The following USH2A variants were observed in gnomAD, a reference collection of about 807,000 sequenced individuals.
USH2A encodes the protein usherin.
Under a neutral mutation model 538.9 loss-of-function variants are expected in USH2A, and 443 were observed. That is an observed-to-expected ratio of 0.82 (90% CI 0.76 to 0.89). The LOEUF is 0.89. Ranked by LOEUF, USH2A falls within the 40% of genes least tolerant of loss-of-function variation. The pLI is 0.00. For synonymous variants in USH2A, 2,413 were observed against 2,273.5 expected (o/e 1.06, Z -1.75); for missense variants, 6,633 against 6,324.8 (o/e 1.05, Z -1.65).
Position 215,964,436 on chromosome 1 carries a change from T to C in USH2A, c.7120+881A>G, listed in dbSNP as rs200334336. ...AAATTTAGAAAAGCCTGTTTTTTTC[T>C]TTCTTCACCTGTTTTTACACTTGGA... On this transcript the variant is annotated intron_variant, in intron 37 of 71. Coordinates refer to ENST00000307340, the MANE Select transcript of USH2A (RefSeq NM_206933.4). 3.3e-5 allele frequency among the ~76,000 whole-genome samples: 5 copies of C among 152,346 alleles called. No individual in the cohort carries two copies. In the East Asian group the frequency reaches 9.6e-4, roughly 29 times the overall value.
chr1:216,048,953 A>G (rs2030641596), intron 30 of USH2A, among the ~76,000 whole-genome samples: 1 of 152,198 alleles, frequency 6.6e-6, no homozygotes, highest in South Asian at 2.1e-4. Flanking sequence ...GGCAGAGCAC[A>G]ATGTTTCCAA....
chr1:215,640,715 T>C lies in USH2A; in HGVS notation c.14811A>G (p.Pro4937=). The C allele has an allele frequency of 6.2e-7, 1 of 1,612,002 alleles. No individual in the cohort carries two copies. Among genetic ancestry groups the C allele is most frequent in the South Asian group, 1.1e-5 (1 of 90,920 alleles). ...TQKELPQYRA[P]FSVDSNLSVV... The stretch of plus-strand genomic sequence containing the variant: ...CAGACAAATTGCTGTCCACCGAAAA[T>C]GGGGCTCGGTACTGAGGCACTGTGG... Residue 4937 remains proline (P), a synonymous_variant, in exon 68 of 72, where the codon CCA becomes CCG. Transcript: ENST00000307340.
chr1:215,793,218 C>CT (rs923570404), intron 50 of USH2A, among the ~76,000 whole-genome samples: 4 of 151,784 alleles, frequency 2.6e-5, no homozygotes, highest in African/African-American at 7.3e-5. Context: ...TGGGATTCCA[C>CT]TTTTTTTTAA....
chr1:215,675,683 C>G lies in USH2A; in HGVS notation c.12295-67G>C, dbSNP rs1185547836. On this transcript the variant is annotated intron_variant, in intron 62 of 71. Coordinates refer to ENST00000307340, the MANE Select transcript of USH2A (RefSeq NM_206933.4). ...AATTTCTTTGTGTAGTTACTTAGCC[C>G]CTTTTTAACCTTCACCCCCTTGTTC... The G allele has an allele frequency of 5.0e-6, 8 of 1,611,154 alleles. No homozygotes were observed. In the African/African-American group the frequency reaches 5.3e-5, roughly 11 times the overall value.
At chr1:215,923,318 A>G (rs1413001478) in intron 38 of USH2A, among the ~76,000 whole-genome samples, 1 of 152,056 alleles carries the variant, frequency 6.6e-6, no homozygotes, top group Non-Finnish European at 1.5e-5. Context: ...CTGGATTCAA[A>G]GGATCAAATG....
At chr1:215,640,197 A>G (rs908784141) in intron 68 of USH2A, among the ~76,000 whole-genome samples, 2 of 152,170 alleles carry the variant, frequency 1.3e-5, no homozygotes, top group African/African-American at 4.8e-5. Context: ...AGATACAGCA[A>G]GAAAATCTAT....
At chr1:216,121,617 A>C (rs1264130819) in intron 21 of USH2A, among the ~76,000 whole-genome samples, 1 of 152,156 alleles carries the variant, frequency 6.6e-6, no homozygotes, top group Non-Finnish European at 1.5e-5. Flanking sequence ...AATTACTGTC[A>C]TAGATTCTGC....
At chr1:216,121,881 C>T (rs948441450) in intron 21 of USH2A, among the ~76,000 whole-genome samples, 21 of 152,174 alleles carry the variant, frequency 1.4e-4, no homozygotes. Flanking sequence ...TACCTGTCTA[C>T]TGTCCTAAAT....
At chr1:216,071,294 G>A (rs1218322312) in intron 29 of USH2A, among the ~76,000 whole-genome samples, 3 of 152,086 alleles carry the variant, frequency 2.0e-5, no homozygotes, top group Non-Finnish European at 4.4e-5. Context: ...AAAGATAAGA[G>A]GAAACACCAA....
intron 64 of USH2A, among the ~76,000 whole-genome samples, chr1:215,662,723 C>G (rs1300600665): frequency 6.6e-6 from 1 of 152,160 alleles, no homozygotes; most frequent in Admixed American, 6.6e-5. Flanking sequence ...CAGACAATAT[C>G]AATAAATCAT....
intron 30 of USH2A, among the ~76,000 whole-genome samples, chr1:216,066,036 A>G (rs1192891440): frequency 6.6e-6 from 1 of 152,184 alleles, no homozygotes; most frequent in African/African-American, 2.4e-5. Context: ...CTAAAACAAT[A>G]TTCTGATATA....
chr1:215,816,759 G>T (rs1296905518), intron 48 of USH2A, among the ~76,000 whole-genome samples: 1 of 151,972 alleles, frequency 6.6e-6, no homozygotes, highest in East Asian at 1.9e-4. Flanking sequence ...ATAAAATTTG[G>T]GATGTACCCT....
chr1:215,717,973 A>G (rs191399602), intron 61 of USH2A, among the ~76,000 whole-genome samples: 127 of 152,314 alleles, frequency 8.3e-4, no homozygotes, highest in Middle Eastern at 3.4e-3. Flanking sequence ...GCATCCAGAA[A>G]TTCTAATTTA....
rs41313732 is a variant in USH2A, at chr1:216,292,284, G to A, written c.1731C>T (p.Cys577=). ...VYAFNCKPCQ[C]NSHSKSCHYN... is the part of the protein sequence containing the mutation. ...AATGGCAGCTTTTGGAATGGCTGTTGCATTGACAAGGTTTACAATTGAAAG... is the reference window on the plus strand; with the variant it reads ...AATGGCAGCTTTTGGAATGGCTGTTACATTGACAAGGTTTACAATTGAAAG... Residue 577 remains cysteine, a synonymous_variant, in exon 10 of 72, where the codon TGC becomes TGT. Coordinates refer to ENST00000307340, the MANE Select transcript of USH2A (RefSeq NM_206933.4). The A allele has an allele frequency of 2.1e-3, 3,460 of 1,614,086 alleles. 101 individuals are homozygous for A. In the South Asian group the frequency reaches 0.035, roughly 16 times the overall value.
chr1:216,162,674 A>G (rs2034082582), intron 21 of USH2A, among the ~76,000 whole-genome samples: 1 of 152,072 alleles, frequency 6.6e-6, no homozygotes, highest in Admixed American at 6.6e-5. Flanking sequence ...AATAGCCCTT[A>G]TTCCTAAAGC....
At position 216,325,457 on chromosome 1, in the gene USH2A, T is replaced by C; in HGVS notation, c.991A>G (p.Arg331Gly). The change falls in exon 6 of 72, where the codon AGA becomes GGA. Residue 331 changes from arginine to glycine, a missense_variant. Physicochemically the swap from Arg to Gly is moderately radical, Grantham distance 125. Coordinates refer to ENST00000307340, the MANE Select transcript of USH2A (RefSeq NM_206933.4). Reference sequence around the variant, plus strand: ...GCTTCAGGATTCAACCGTGACACTCTATTATCAGCTGTGTCTCCTGCATCA... The same window carrying C: ...GCTTCAGGATTCAACCGTGACACTCCATTATCAGCTGTGTCTCCTGCATCA... ...PNDAGDTADN[R>G]VSRLNPEAHP... 6.2e-7 allele frequency: 1 copy of C among 1,613,940 alleles called. No homozygotes were observed. The highest frequency in any genetic ancestry group is 1.3e-5 in the African/African-American group (1 of 75,050).
chr1:215,760,773 T>G (rs955577811), intron 56 of USH2A, among the ~76,000 whole-genome samples: 7 of 152,152 alleles, frequency 4.6e-5, no homozygotes, highest in Non-Finnish European at 1.0e-4. Flanking sequence ...AATGTATACT[T>G]TCCTGTATCT....
intron 61 of USH2A, among the ~76,000 whole-genome samples, chr1:215,717,131 A>T (rs1355999211): frequency 1.3e-5 from 2 of 152,196 alleles, no homozygotes; most frequent in African/African-American, 4.8e-5. Context: ...AGATGAAAGA[A>T]ACCCATTAAC....
At chr1:216,230,727 A>C (rs992305623) in intron 14 of USH2A, among the ~76,000 whole-genome samples, 1 of 152,150 alleles carries the variant, frequency 6.6e-6, no homozygotes, top group African/African-American at 2.4e-5. Context: ...ATTAGCAATT[A>C]GATTTATAAA....
Sources: allele counts gnomAD v4.1 joint callset (sites outside exome capture counted in the v4.1 genomes callset), GRCh38; gene constraint gnomAD v4.1.1; transcripts MANE v1.5; gene names NCBI Gene and HGNC (gene_info 2026-07-23, HGNC 2026-07-21).